Variants in CDH23 observed in about 807,000 individuals in gnomAD.
CDH23 encodes the protein cadherin-23.
A neutral mutation model predicts 317.1 loss-of-function variants in CDH23; 189 were observed. The ratio of observed to expected loss-of-function variants is 0.60; its 90% CI spans 0.53 to 0.67. The LOEUF (loss-of-function observed/expected upper bound fraction) is 0.67. CDH23 is among the 30% of genes least tolerant of loss of function. The pLI is 0.00. For missense variants in CDH23, 4,401 were observed against 4,592.4 expected, an observed-to-expected ratio of 0.96 and a Z score of 1.20; for synonymous variants, 1,839 against 1,876.8, an observed-to-expected ratio of 0.98 and a Z score of 0.52.
intron 6 of CDH23, among the ~76,000 whole-genome samples, chr10:71,536,146 G>A (rs891659698): frequency 2.0e-5 from 3 of 152,258 alleles, no homozygotes; most frequent in Admixed American, 2.0e-4. Context: ...AAGTGAGCAT[G>A]GTGTCATGGG....
At chr10:71,784,178 C>T in intron 41 of CDH23, 109 bp from the exon 42 acceptor site, 1 of 1,253,672 alleles carries the variant, frequency 8.0e-7, no homozygotes, top group Non-Finnish European at 1.1e-6. Context: ...CCCCAGCTGT[C>T]CCCCACCTGT....
Position 71,814,963 on chromosome 10 carries a change from T to C in CDH23, c.9750T>C (p.Thr3250=), listed in dbSNP as rs373708815. The C allele has an allele frequency of 7.9e-5, 127 of 1,611,022 alleles. No homozygotes were observed. Among genetic ancestry groups the C allele is most frequent in the Non-Finnish European group, 1.0e-4 (118 of 1,178,752 alleles). The change falls in exon 70 of 70, where the codon ACT becomes ACC. Residue 3250 remains threonine (T), a synonymous_variant. Coordinates refer to ENST00000224721, the MANE Select transcript of CDH23 (RefSeq NM_022124.6). ...CCGGCCTCTTGCAGCTGATACAGAC[T>C]GAGCTGGACGAGGAGCCAGGAGACC... ...CHSSISELIQ[T]ELDEEPGDHS...
At chr10:71,680,756 A>AG (rs1421498387) in intron 17 of CDH23, among the ~76,000 whole-genome samples, 4 of 145,854 alleles carry the variant, frequency 2.7e-5, no homozygotes, top group African/African-American at 7.5e-5. Context: ...CAAAAAAAAA[A>AG]AAAAAAAGAA....
intron 1 of CDH23, among the ~76,000 whole-genome samples, chr10:71,405,619 G>A (rs1284913010): frequency 6.6e-6 from 1 of 152,098 alleles, no homozygotes; most frequent in African/African-American, 2.4e-5. Context: ...TGTATTTTTA[G>A]TAGAGATGGG....
intron 9 of CDH23, among the ~76,000 whole-genome samples, chr10:71,589,633 T>A (rs1859333343): frequency 6.6e-6 from 1 of 152,156 alleles, no homozygotes; most frequent in Admixed American, 6.5e-5. Flanking sequence ...AAGGGTTTGT[T>A]CTCCCCAGGA....
intron 11 of CDH23, among the ~76,000 whole-genome samples, chr10:71,634,722 A>G (rs1564700161): frequency 6.6e-6 from 1 of 152,352 alleles, no homozygotes; most frequent in East Asian, 1.9e-4. Flanking sequence ...AGGCCACATA[A>G]ATCCTCTGTG....
At chr10:71,528,741 C>T (rs1855187377) in intron 6 of CDH23, among the ~76,000 whole-genome samples, 2 of 152,202 alleles carry the variant, frequency 1.3e-5, no homozygotes, top group Non-Finnish European at 2.9e-5. Flanking sequence ...TGTTCCCCAC[C>T]CTGGGGGCCC....
chr10:71,746,421 A>C (rs2132854405), intron 38 of CDH23, among the ~76,000 whole-genome samples: 1 of 152,336 alleles, frequency 6.6e-6, no homozygotes, highest in Middle Eastern at 3.4e-3. Context: ...GCCTCAGCCC[A>C]TATCACCCGA....
At chr10:71,607,058 C>T (rs1007971909) in intron 9 of CDH23, among the ~76,000 whole-genome samples, 5 of 152,206 alleles carry the variant, frequency 3.3e-5, no homozygotes, top group African/African-American at 1.2e-4. Context: ...TGTCATCAGG[C>T]AGCTAAGTAA....
At chr10:71,532,722 TTTTTG>T (rs1855462258) in intron 6 of CDH23, among the ~76,000 whole-genome samples, 1 of 44,722 alleles carries the variant, frequency 2.2e-5, no homozygotes, top group African/African-American at 8.0e-5. Context: ...TTTTTTTTTT[TTTTTG>T]TTTTTTTTTT....
At chr10:71,780,101 G>A (rs1840913807) in intron 41 of CDH23, among the ~76,000 whole-genome samples, 1 of 152,218 alleles carries the variant, frequency 6.6e-6, no homozygotes. Context: ...CCCAGCCTGG[G>A]AGTACCTGGG....
intron 14 of CDH23, among the ~76,000 whole-genome samples, chr10:71,653,909 T>C (rs951871063): frequency 5.3e-5 from 8 of 152,314 alleles, no homozygotes; most frequent in African/African-American, 1.9e-4. Flanking sequence ...TGGGAGTCGG[T>C]GGAACTTCAG....
chr10:71,635,465 T>C (rs548477982), intron 11 of CDH23, among the ~76,000 whole-genome samples: 54 of 152,288 alleles, frequency 3.5e-4, no homozygotes, highest in African/African-American at 1.3e-3. Context: ...ACCAGCAAAT[T>C]ACCCTTAAAG....
rs2132733290 is a variant in CDH23 at position 71,702,661 on chromosome 10, T to C, written c.2700T>C (p.Leu900=). The C allele has an allele frequency of 1.2e-6, 2 of 1,613,870 alleles. No individual in the cohort carries two copies. Among genetic ancestry groups the C allele is most frequent in the East Asian group, 4.5e-5 (2 of 44,880 alleles). ...ACCTGCCTTTTGTGGCCGAGGTGCTTGAAGGCATCCCGGCGGGGGTCTCCA... is the reference window on the plus strand; with the variant it reads ...ACCTGCCTTTTGTGGCCGAGGTGCTCGAAGGCATCCCGGCGGGGGTCTCCA... ...FQNLPFVAEV[L]EGIPAGVSIY... is the part of the protein sequence containing the mutation. Residue 900 remains leucine, a synonymous_variant, in exon 24 of 70, where the codon CTT becomes CTC. Coordinates refer to ENST00000224721, the MANE Select transcript of CDH23 (RefSeq NM_022124.6).
intron 3 of CDH23, among the ~76,000 whole-genome samples, chr10:71,500,771 TTTCTTTTC>T (rs1376398218): frequency 1.5e-5 from 2 of 129,852 alleles, no homozygotes; most frequent in Non-Finnish European, 3.3e-5. Context: ...TTTCTTTTCT[TTTCTTTTC>T]TTTTCTTTTC....
intron 9 of CDH23, among the ~76,000 whole-genome samples, chr10:71,606,420 G>A (rs979900820): frequency 1.3e-5 from 2 of 152,160 alleles, no homozygotes; most frequent in Non-Finnish European, 2.9e-5. Flanking sequence ...CTCCTCGTGG[G>A]CCCTAGTGCA....
chr10:71,564,622 C>T (rs2132351551), intron 6 of CDH23, among the ~76,000 whole-genome samples: 1 of 152,362 alleles, frequency 6.6e-6, no homozygotes, highest in Middle Eastern at 3.4e-3. Flanking sequence ...AGTCAAATGT[C>T]CTCGCCTCCC....
chr10:71,779,090 A>G (rs1840887360), intron 40 of CDH23, among the ~76,000 whole-genome samples, 177 bp from the exon 41 acceptor site: 1 of 152,210 alleles, frequency 6.6e-6, no homozygotes. Flanking sequence ...TTTGGCAATA[A>G]TGATAACTCA....
chr10:71,683,329 G>A (rs570125394), intron 18 of CDH23, among the ~76,000 whole-genome samples: 1 of 152,376 alleles, frequency 6.6e-6, no homozygotes, highest in East Asian at 1.9e-4. Flanking sequence ...GATTAGATCA[G>A]GTTGTCAGGT....
Sources: gnomAD v4.1 joint callset for allele counts (sites outside exome capture counted in the v4.1 genomes callset) on GRCh38, gnomAD v4.1.1 for gene constraint, MANE v1.5 for transcripts, NCBI Gene and HGNC (gene_info 2026-07-23, HGNC 2026-07-21) for gene names.